Variants in LRRC37A2 observed in about 807,000 individuals in gnomAD.
The protein encoded by LRRC37A2 is leucine-rich repeat-containing protein 37A2.
A neutral mutation model predicts 68.8 loss-of-function variants in LRRC37A2; 9 were observed. That is an observed-to-expected ratio of 0.13 (90% CI 0.08 to 0.23). The LOEUF (loss-of-function observed/expected upper bound fraction) is 0.23. LRRC37A2 is among the 10% of genes least tolerant of loss of function. The probability of loss-of-function intolerance (pLI) is 1.00; values close to 1 mark genes in which losing one functional copy is unlikely to be tolerated. For missense variants in LRRC37A2, 168 were observed against 950.4 expected, an observed-to-expected ratio of 0.18 and a Z score of 10.82; for synonymous variants, 63 against 367.6, an observed-to-expected ratio of 0.17 and a Z score of 9.48.
At chr17:46,779,103 A>ACACACACACACACACACACCCCCC in the LRRC37A2 span, among the ~76,000 whole-genome samples, 3 of 133,590 alleles carry the variant, frequency 2.2e-5, no homozygotes, top group Admixed American at 1.6e-4. Context: ...ACACACACAC[A>ACACACACACACACACACACCCCCC]CCCCAGCCCA....
At chr17:46,873,117 C>CTT in the LRRC37A2 span, among the ~76,000 whole-genome samples, 1 of 151,758 alleles carries the variant, frequency 6.6e-6, no homozygotes, top group Non-Finnish European at 1.5e-5. Flanking sequence ...CACACACACA[C>CTT]ACACACACAC....
At chr17:46,922,576 G>A in the LRRC37A2 span, among the ~76,000 whole-genome samples, 16 of 152,018 alleles carry the variant, frequency 1.1e-4, no homozygotes, top group East Asian at 5.8e-4. Context: ...TCCTTTCCCA[G>A]ACCAGAACCT....
At chr17:46,896,452 A>AAAAGAAAGAAAGAAAGAAAGAAAGAAAG in the LRRC37A2 span, among the ~76,000 whole-genome samples, 1 of 65,834 alleles carries the variant, frequency 1.5e-5, no homozygotes, top group African/African-American at 5.2e-5. Context: ...GAAAGAAAGA[A>AAAAGAAAGAAAGAAAGAAAGAAAGAAAG]AAAGAAAGAA....
the LRRC37A2 span, among the ~76,000 whole-genome samples, chr17:46,473,986 A>C: frequency 1.8e-5 from 2 of 108,300 alleles, 1 homozygote; most frequent in Non-Finnish European, 4.2e-5. Context: ...TGCTCATTTA[A>C]TTTTTATTAT....
chr17:46,960,381 A>G, the LRRC37A2 span, among the ~76,000 whole-genome samples: 11 of 152,238 alleles, frequency 7.2e-5, no homozygotes, highest in South Asian at 2.1e-4. Flanking sequence ...TAGAGCACCT[A>G]GAATGCTCAC....
At chr17:46,913,890 G>A in the LRRC37A2 span, among the ~76,000 whole-genome samples, 1 of 152,136 alleles carries the variant, frequency 6.6e-6, no homozygotes, top group African/African-American at 2.4e-5. Context: ...CTCCCGAGTA[G>A]TTGGGACTAC....
the LRRC37A2 span, among the ~76,000 whole-genome samples, chr17:46,468,104 A>AGGTG: frequency 1.4e-5 from 1 of 70,898 alleles, no homozygotes; most frequent in African/African-American, 4.8e-5. Context: ...TGTACTGACT[A>AGGTG]GGTGGGGTAA....
the LRRC37A2 span, among the ~76,000 whole-genome samples, chr17:46,492,610 A>G: frequency 6.7e-6 from 1 of 149,168 alleles, no homozygotes; most frequent in Non-Finnish European, 1.5e-5. Flanking sequence ...ACCATTTTGC[A>G]TTCTTACCTG....
At chr17:46,957,315 CAAAA>C in the LRRC37A2 span, among the ~76,000 whole-genome samples, 2 of 151,486 alleles carry the variant, frequency 1.3e-5, no homozygotes, top group African/African-American at 2.4e-5. Flanking sequence ...AAAAAGAAAA[CAAAA>C]AAAGAAACCC....
the LRRC37A2 span, among the ~76,000 whole-genome samples, chr17:46,954,508 G>A: frequency 1.3e-4 from 20 of 152,076 alleles, no homozygotes; most frequent in African/African-American, 4.3e-4. Context: ...TGGCAATGCA[G>A]GCTCTTTTTT....
the LRRC37A2 span, among the ~76,000 whole-genome samples, chr17:46,765,792 C>T: frequency 1.3e-5 from 2 of 152,236 alleles, no homozygotes; most frequent in African/African-American, 4.8e-5. Flanking sequence ...GGGCCAGGCC[C>T]TTCATGTGCA....
At chr17:46,490,643 A>C in the LRRC37A2 span, among the ~76,000 whole-genome samples, 1 of 149,632 alleles carries the variant, frequency 6.7e-6, no homozygotes, top group African/African-American at 2.5e-5. Context: ...AGAATCGCTT[A>C]AACTCAGGAG....
the LRRC37A2 span, among the ~76,000 whole-genome samples, chr17:46,961,432 G>A: frequency 9.2e-5 from 14 of 152,240 alleles, no homozygotes; most frequent in Middle Eastern, 3.4e-3. Flanking sequence ...CTATTTGGAA[G>A]GCTGAGGTGA....
chr17:47,037,688 G>T, the LRRC37A2 span, among the ~76,000 whole-genome samples: 3 of 152,204 alleles, frequency 2.0e-5, no homozygotes, highest in Admixed American at 1.3e-4. Flanking sequence ...ACTTTATGAA[G>T]GATTGGTGTT....
At chr17:46,966,794 A>G in the LRRC37A2 span, 1 of 428,518 alleles carries the variant, frequency 2.3e-6, no homozygotes. Flanking sequence ...GAATTATTTG[A>G]TGTGGCCGAT....
chr17:46,998,993 G>T, the LRRC37A2 span, among the ~76,000 whole-genome samples: 18 of 152,174 alleles, frequency 1.2e-4, no homozygotes, highest in African/African-American at 4.3e-4. Context: ...GGTGGAGAGG[G>T]AACCTCCCTC....
chr17:46,980,318 T>C, the LRRC37A2 span, among the ~76,000 whole-genome samples: 1 of 145,670 alleles, frequency 6.9e-6, no homozygotes, highest in Non-Finnish European at 1.5e-5. Flanking sequence ...TCTTTCCTTC[T>C]TCTTCCTTCT....
chr17:46,983,732 G>A, the LRRC37A2 span, among the ~76,000 whole-genome samples: 1 of 152,202 alleles, frequency 6.6e-6, no homozygotes, highest in Non-Finnish European at 1.5e-5. Context: ...CTCAAATTGA[G>A]CAAACATTTA....
the LRRC37A2 span, among the ~76,000 whole-genome samples, chr17:46,662,905 C>G: frequency 7.0e-6 from 1 of 142,856 alleles, no homozygotes; most frequent in African/African-American, 2.5e-5. Context: ...TAATGTAGGC[C>G]GAAATTGTGC....
Sources: allele counts gnomAD v4.1 joint callset (sites outside exome capture counted in the v4.1 genomes callset), GRCh38; gene constraint gnomAD v4.1.1; transcripts MANE v1.5; gene names NCBI Gene and HGNC (gene_info 2026-07-23, HGNC 2026-07-21).